Variants in IFT172 observed in about 807,000 individuals in gnomAD.
The protein encoded by IFT172 is intraflagellar transport 172.
Under a neutral mutation model 248.9 loss-of-function variants are expected in IFT172, and 164 were observed. The observed-to-expected ratio is 0.66, with a 90% CI of 0.58 to 0.75. The LOEUF (loss-of-function observed/expected upper bound fraction) is 0.75. Ranked by LOEUF, IFT172 falls within the 30% of genes least tolerant of loss-of-function variation. The pLI, the probability that IFT172 is intolerant of heterozygous loss-of-function variation, is 0.00. For missense variants in IFT172, 1,950 were observed against 2,192.4 expected, an observed-to-expected ratio of 0.89 and a Z score of 2.21; for synonymous variants, 729 against 791.6, an observed-to-expected ratio of 0.92 and a Z score of 1.33.
intron 26 of IFT172, 93 bp downstream of exon 26, chr2:27,458,686 G>A (rs1666381297): frequency 4.2e-6 from 6 of 1,419,252 alleles, no homozygotes; most frequent in Non-Finnish European, 5.8e-6. Context: ...AGCTTTCAGG[G>A]AGCCAAGCGA....
intron 14 of IFT172, among the ~76,000 whole-genome samples, 162 bp from the exon 15 acceptor site, chr2:27,472,524 A>G (rs1667648945): frequency 6.6e-6 from 1 of 152,232 alleles, no homozygotes; most frequent in Non-Finnish European, 1.5e-5. Flanking sequence ...CCAGACCCAC[A>G]GAAATGTCAT....
intron 8 of IFT172, 135 bp from the exon 9 acceptor site, chr2:27,480,284 C>G: frequency 1.5e-6 from 2 of 1,311,748 alleles, no homozygotes; most frequent in Non-Finnish European, 2.0e-6. Context: ...GCTAGGCAGT[C>G]TAGCAGAAGA....
Position 27,454,467 on chromosome 2 carries a change from C to T in IFT172, c.3466-49G>A. 1 of 1,613,714 alleles carries T rather than the reference C, an allele frequency of 6.2e-7. No homozygotes were observed. The highest frequency in any genetic ancestry group is 8.5e-7 in the Non-Finnish European group (1 of 1,179,712). The stretch of plus-strand genomic sequence containing the variant: ...TGCATGATGAGAAGGAGACTGGCAT[C>T]ACAGGCAGGCATGAGACTGGGGGTC... On this transcript the variant is annotated intron_variant, in intron 31 of 47. Transcript: ENST00000260570. The surrounding 1 kb of genome is among the most constrained non-coding windows in gnomAD (Gnocchi z 4.2).
At position 27,446,259 on chromosome 2, in the gene IFT172, C is replaced by T. The variant is rs1665088139; in HGVS notation, c.4755+1G>A. ...CCCCACCCTTCCTTGTCCCAGCTCA[C>T]CTTGGCAGCAATGCCTGCTTCATAG... On this transcript the variant is annotated splice_donor_variant, in intron 43 of 47. Transcript: ENST00000260570. LOFTEE classifies it high-confidence loss of function. 9 of 1,614,070 alleles carry T rather than the reference C, an allele frequency of 5.6e-6. No homozygotes were observed. Among genetic ancestry groups the T allele is most frequent in the Non-Finnish European group, 7.6e-6 (9 of 1,179,902 alleles).
intron 1 of IFT172, among the ~76,000 whole-genome samples, chr2:27,487,805 G>A (rs528801496): frequency 2.0e-5 from 3 of 152,026 alleles, no homozygotes; most frequent in Non-Finnish European, 4.4e-5. Flanking sequence ...GGATGGTGTC[G>A]AACCCCTGAC....
At chr2:27,448,731 A>G (rs1249594516) in intron 40 of IFT172, among the ~76,000 whole-genome samples, 184 bp downstream of exon 40, 1 of 152,136 alleles carries the variant, frequency 6.6e-6, no homozygotes, top group African/African-American at 2.4e-5. Context: ...AAACCTCCCC[A>G]TGCTCTTAGC....
chr2:27,449,704 C>G lies in IFT172; in HGVS notation c.4147G>C (p.Glu1383Gln). ...EWNKAKRVAK[E>Q]LDPRYEDYVD... ...TTACAAGCTTACCTGGGATCTAACT[C>G]CTTAGCTACACGCTTCGCCTTGTTC... The change falls in exon 37 of 48, where the codon GAG becomes CAG. Residue 1383 changes from glutamate (E) to glutamine (Q), a missense_variant. Coordinates refer to ENST00000260570, the MANE Select transcript of IFT172 (RefSeq NM_015662.3). 6.2e-7 allele frequency: 1 copy of G among 1,613,336 alleles called. No homozygotes were observed. The highest frequency in any genetic ancestry group is 8.5e-7 in the Non-Finnish European group (1 of 1,179,466).
At chr2:27,466,734 G>A (rs776146267) in intron 16 of IFT172, among the ~76,000 whole-genome samples, 11 of 151,986 alleles carry the variant, frequency 7.2e-5, no homozygotes, top group Non-Finnish European at 1.2e-4. Context: ...GTTAAAGGCC[G>A]GGCTCGGTGG....
intron 3 of IFT172, among the ~76,000 whole-genome samples, chr2:27,484,791 G>A (rs1230884575): frequency 6.6e-6 from 1 of 152,114 alleles, no homozygotes; most frequent in Non-Finnish European, 1.5e-5. Context: ...GGGCTTCCAG[G>A]ATCTCACAGG....
chr2:27,449,729 C>T lies in IFT172; in HGVS notation c.4122G>A (p.Trp1374Ter), dbSNP rs201558716. 1 of 1,614,036 alleles carries T rather than the reference C, an allele frequency of 6.2e-7. No homozygotes were observed. The highest frequency in any genetic ancestry group is 2.2e-5 in the East Asian group (1 of 44,888). ...CCTTAGCTACACGCTTCGCCTTGTT[C>T]CACTCCTCACCCTCGATGAAAGCAT... ...AIDAFIEGEE[W>*]NKAKRVAKEL... Residue 1374 changes from tryptophan (W) to a stop codon, truncating the protein, a stop_gained, in exon 37 of 48, where the codon TGG becomes TGA. Coordinates refer to ENST00000260570, the MANE Select transcript of IFT172 (RefSeq NM_015662.3). LOFTEE classifies it high-confidence loss of function.
At chr2:27,471,282 AC>A (rs1667554370) in intron 15 of IFT172, 187 bp from the exon 16 acceptor site, 2 of 501,996 alleles carry the variant, frequency 4.0e-6, no homozygotes, top group Non-Finnish European at 3.4e-6. Context: ...GTAAGAGATG[AC>A]CCATAGAACA....
At chr2:27,486,659 T>A (rs1373050304) in intron 1 of IFT172, among the ~76,000 whole-genome samples, 1 of 152,196 alleles carries the variant, frequency 6.6e-6, no homozygotes, top group African/African-American at 2.4e-5. Flanking sequence ...ATCCTCTAAC[T>A]CTTCATTATA....
At chr2:27,449,183 G>T in intron 39 of IFT172, 111 bp downstream of exon 39, 1 of 1,388,598 alleles carries the variant, frequency 7.2e-7, no homozygotes, top group Non-Finnish European at 1.0e-6. Context: ...ATGCCCATTA[G>T]AAATCTTTGG....
chr2:27,444,961 CTTT>C, intron 47 of IFT172, 50 bp downstream of exon 47: 1 of 1,531,914 alleles, frequency 6.5e-7, no homozygotes, highest in Non-Finnish European at 8.8e-7. Flanking sequence ...GTTTTTTTTT[CTTT>C]TTTTAGTGCT....
intron 7 of IFT172, among the ~76,000 whole-genome samples, 194 bp from the exon 8 acceptor site, chr2:27,481,454 T>TACACACACAC (rs764036982): frequency 7.4e-6 from 1 of 135,588 alleles, no homozygotes; most frequent in Non-Finnish European, 1.6e-5. Flanking sequence ...CACACACACA[T>TACACACACAC]ACACACACAC....
rs765641043 is a variant in IFT172 at position 27,461,477 on chromosome 2, T to G, written c.2234A>C (p.Gln745Pro). ...ALEKLRRSYY[Q>P]WLMDTQQEER... ...CTCTTGCTGTGTGTCCATCAGCCACTGGTAGTAACTACGACGTAGCTTCTC... is the reference window on the plus strand; with the variant it reads ...CTCTTGCTGTGTGTCCATCAGCCACGGGTAGTAACTACGACGTAGCTTCTC... The change falls in exon 22 of 48, where the codon CAG (glutamine) becomes CCG (proline). Residue 745 changes from glutamine to proline, a missense_variant. Coordinates refer to ENST00000260570, the MANE Select transcript of IFT172 (RefSeq NM_015662.3). 21 of 1,613,936 alleles carry G rather than the reference T, an allele frequency of 1.3e-5. No individual in the cohort carries two copies. The highest frequency in any genetic ancestry group is 1.7e-5 in the Non-Finnish European group (20 of 1,179,924).
chr2:27,454,246 G>A lies in IFT172; in HGVS notation c.3531-84C>T, dbSNP rs1665970001. The A allele has an allele frequency of 6.3e-6, 10 of 1,595,512 alleles. No individual in the cohort carries two copies. In the Middle Eastern group the frequency reaches 6.6e-4, roughly 106 times the overall value. ...GAGACAAACAGCCATGTCACTGAGG[G>A]GTGTAACACTGATTTGTTCTAGGTT... On this transcript the variant is annotated intron_variant, in intron 32 of 47. Transcript: ENST00000260570. This position sits in a 1 kb window ranked among gnomAD's most constrained non-coding sequence, Gnocchi z 4.2.
intron 16 of IFT172, among the ~76,000 whole-genome samples, chr2:27,467,971 C>T (rs1472517022): frequency 1.3e-5 from 2 of 151,678 alleles, no homozygotes; most frequent in Admixed American, 6.6e-5. Flanking sequence ...CCACCCTGGC[C>T]AACACGGTGA....
In IFT172 at chr2:27,445,693, C is replaced by T. The variant is rs1665013318; in HGVS notation, c.4914+52G>A. The T allele has an allele frequency of 2.5e-6, 4 of 1,593,030 alleles. No homozygotes were observed. The highest frequency in any genetic ancestry group is 1.1e-5 in the South Asian group (1 of 90,452). ...GCAGCACAAAGATATTCTCCCTCCT[C>T]AAGGCACTCACACTGGTGAGGCCTT... On this transcript the variant is annotated intron_variant, in intron 45 of 47. Coordinates refer to ENST00000260570, the MANE Select transcript of IFT172 (RefSeq NM_015662.3). The surrounding 1 kb of genome is among the most constrained non-coding windows in gnomAD (Gnocchi z 4.4).
Sources: gnomAD v4.1 joint callset for allele counts (sites outside exome capture counted in the v4.1 genomes callset) on GRCh38, gnomAD v4.1.1 for gene constraint, Gnocchi (gnomAD v3.1) non-coding constraint, MANE v1.5 for transcripts, NCBI Gene and HGNC (gene_info 2026-07-23, HGNC 2026-07-21) for gene names.